Variants in DNAH6 observed in about 807,000 individuals in gnomAD.
DNAH6 encodes the protein axonemal beta dynein heavy chain 6.
DNAH6 carries 340 observed loss-of-function variants against 491.4 expected under a neutral mutation model. The ratio of observed to expected loss-of-function variants is 0.69; its 90% CI spans 0.63 to 0.76. The LOEUF (loss-of-function observed/expected upper bound fraction) is 0.76. DNAH6 is among the 30% of genes least tolerant of loss of function. DNAH6 has a pLI of 0.00. For missense variants in DNAH6, 4,443 were observed against 4,972.2 expected, an observed-to-expected ratio of 0.89 and a Z score of 3.20; for synonymous variants, 1,603 against 1,686.1, an observed-to-expected ratio of 0.95 and a Z score of 1.21.
intron 62 of DNAH6, among the ~76,000 whole-genome samples, chr2:84,734,997 C>G (rs1699418738): frequency 6.6e-6 from 1 of 152,052 alleles, no homozygotes; most frequent in African/African-American, 2.4e-5. Flanking sequence ...ATCTCATTGC[C>G]CAGGTAGTGA....
At chr2:84,767,941 A>T (rs981686326) in intron 64 of DNAH6, among the ~76,000 whole-genome samples, 1 of 152,198 alleles carries the variant, frequency 6.6e-6, no homozygotes, top group Non-Finnish European at 1.5e-5. Flanking sequence ...CCATTGACTG[A>T]TTTCTCTGCA....
chr2:84,766,033 T>C (rs1675044095), intron 64 of DNAH6, among the ~76,000 whole-genome samples: 1 of 152,048 alleles, frequency 6.6e-6, no homozygotes. Context: ...ATTGTGAAAC[T>C]GTACACAACT....
intron 62 of DNAH6, among the ~76,000 whole-genome samples, chr2:84,740,677 G>T (rs1672440849): frequency 6.6e-6 from 1 of 152,162 alleles, no homozygotes. Context: ...AGCTGGTGGG[G>T]CACTGTTCCC....
intron 63 of DNAH6, among the ~76,000 whole-genome samples, chr2:84,751,555 A>G (rs1211295065): frequency 6.6e-6 from 1 of 152,250 alleles, no homozygotes; most frequent in Non-Finnish European, 1.5e-5. Flanking sequence ...TGCAACAGGA[A>G]ATAGAATGCT....
At position 84,693,513 on chromosome 2, in the gene DNAH6, G is replaced by A. The variant is rs565317970; in HGVS notation, c.7293-736G>A. The stretch of plus-strand genomic sequence containing the variant: ...AATCCCAGTACTTTGGGAGGCCAAG[G>A]CAGGCGAATCATGAGATCAGGAGAT... On this transcript the variant is annotated intron_variant, in intron 45 of 76. Coordinates refer to ENST00000389394, the MANE Select transcript of DNAH6 (RefSeq NM_001370.2). 2.0e-4 allele frequency among the ~76,000 whole-genome samples: 31 copies of A among 152,196 alleles called. 1 individual carries two copies. In the South Asian group the frequency reaches 3.1e-3, roughly 15 times the overall value.
chr2:84,736,929 A>G (rs1227492028), intron 62 of DNAH6, among the ~76,000 whole-genome samples: 1 of 152,128 alleles, frequency 6.6e-6, no homozygotes, highest in Non-Finnish European at 1.5e-5. Flanking sequence ...GAATGCTTCC[A>G]GCTATTGTCC....
rs747474173 is a variant in DNAH6 at position 84,787,241 on chromosome 2, G to A, written c.11178G>A (p.Leu3726=). 12 of 1,545,866 alleles carry A rather than the reference G, an allele frequency of 7.8e-6. 1 individual carries two copies. The South Asian group carries it at 1.4e-4, about 19-fold the overall frequency. ...FNDSDRECAL[L]NLKLYCKEGK... ...ACAGTGACAGGGAATGTGCTTTACTGAATCTCAAACTCTATTGTAAAGAAG... is the reference window on the plus strand; with the variant it reads ...ACAGTGACAGGGAATGTGCTTTACTAAATCTCAAACTCTATTGTAAAGAAG... Residue 3726 remains leucine (L), a synonymous_variant, in exon 68 of 77, where the codon CTG becomes CTA. Transcript: ENST00000389394.
At chr2:84,769,603 A>G (rs570344802) in intron 64 of DNAH6, among the ~76,000 whole-genome samples, 2 of 152,256 alleles carry the variant, frequency 1.3e-5, no homozygotes, top group East Asian at 3.9e-4. Flanking sequence ...GGGGGATTGT[A>G]GTTGTTTGTT....
the DNAH6 span, among the ~76,000 whole-genome samples, chr2:84,479,629 AACCCACTCCGT>A: frequency 1.2e-4 from 19 of 152,340 alleles, no homozygotes; most frequent in Admixed American, 3.9e-4. Context: ...AAGACATTGT[AACCCACTCCGT>A]ACCCACTCTG....
intron 11 of DNAH6, among the ~76,000 whole-genome samples, chr2:84,568,763 T>C (rs895230232): frequency 2.6e-5 from 4 of 152,144 alleles, no homozygotes; most frequent in South Asian, 4.1e-4. Flanking sequence ...TCAAAACTTA[T>C]GATAAAACAT....
At chr2:84,628,107 T>C (rs538962010) in intron 29 of DNAH6, among the ~76,000 whole-genome samples, 6 of 152,140 alleles carry the variant, frequency 3.9e-5, no homozygotes, top group Non-Finnish European at 5.9e-5. Flanking sequence ...GCAAAGTGGG[T>C]TCAAGTGATC....
At chr2:84,613,936 T>A (rs1196654255) in intron 22 of DNAH6, among the ~76,000 whole-genome samples, 1 of 152,128 alleles carries the variant, frequency 6.6e-6, no homozygotes, top group Non-Finnish European at 1.5e-5. Context: ...ATTTTACTTT[T>A]ACTTTAAATT....
the DNAH6 span, among the ~76,000 whole-genome samples, chr2:84,510,509 A>G: frequency 1.3e-5 from 2 of 152,052 alleles, no homozygotes; most frequent in East Asian, 1.9e-4. Context: ...CTTCTTTGCC[A>G]TGGGTTCGAA....
At chr2:84,607,183 T>A (rs1218320174) in intron 21 of DNAH6, 88 bp downstream of exon 21, 3 of 1,287,866 alleles carry the variant, frequency 2.3e-6, no homozygotes, top group Non-Finnish European at 3.2e-6. Context: ...ATTTAAATAT[T>A]ATATGGTTTT....
intron 29 of DNAH6, among the ~76,000 whole-genome samples, chr2:84,628,566 C>G (rs1262285263): frequency 6.6e-6 from 1 of 152,112 alleles, no homozygotes. Context: ...CTACAAAAAG[C>G]AAATGAAATA....
In DNAH6 at chr2:84,578,690, C is replaced by T. The variant is rs151233226; in HGVS notation, c.2077-837C>T. Reference sequence around the variant, plus strand: ...CTCAGCCATAAATAAAAGTGTGGGCCTTTATCTGATTGAATCAACTAAAGT... The same window carrying T: ...CTCAGCCATAAATAAAAGTGTGGGCTTTTATCTGATTGAATCAACTAAAGT... On this transcript the variant is annotated intron_variant, in intron 13 of 76. Transcript: ENST00000389394. 1.8e-3 allele frequency among the ~76,000 whole-genome samples: 276 copies of T among 152,246 alleles called. 3 individuals carry two copies. In the South Asian group the frequency reaches 0.019, roughly 11 times the overall value.
intron 40 of DNAH6, among the ~76,000 whole-genome samples, chr2:84,674,523 C>A (rs1231953956): frequency 6.6e-6 from 1 of 152,124 alleles, no homozygotes; most frequent in Admixed American, 6.5e-5. Flanking sequence ...CTGATGGGGT[C>A]ACAGGTAGTA....
At chr2:84,633,036 A>C (rs979689628) in intron 29 of DNAH6, among the ~76,000 whole-genome samples, 2 of 152,122 alleles carry the variant, frequency 1.3e-5, no homozygotes, top group African/African-American at 4.8e-5. Flanking sequence ...TGAAAGAACT[A>C]CCAAGAGCTC....
At chr2:84,583,970 T>C in intron 14 of DNAH6, 29 bp from the exon 15 acceptor site, 1 of 1,608,946 alleles carries the variant, frequency 6.2e-7, no homozygotes, top group South Asian at 1.1e-5. Context: ...TTCTGCTACA[T>C]TTAATGAGCA....
Sources: gnomAD v4.1 joint callset for allele counts (sites outside exome capture counted in the v4.1 genomes callset) on GRCh38, gnomAD v4.1.1 for gene constraint, MANE v1.5 for transcripts, NCBI Gene and HGNC (gene_info 2026-07-23, HGNC 2026-07-21) for gene names.